SLC24A2: variants seen among roughly 807,000 people sequenced by gnomAD.
SLC24A2 encodes sodium/potassium/calcium exchanger 2.
A neutral mutation model predicts 62.0 loss-of-function variants in SLC24A2; 36 were observed. That is an observed-to-expected ratio of 0.58 (90% CI 0.44 to 0.77). The LOEUF is 0.77. SLC24A2 is among the 30% of genes least tolerant of loss of function. The pLI is 0.00. For synonymous variants in SLC24A2, 358 were observed against 294.0 expected (o/e 1.22, Z -2.23); for missense variants, 846 against 817.9 (o/e 1.03, Z -0.42).
intron 7 of SLC24A2, among the ~76,000 whole-genome samples, chr9:19,563,435 G>A (rs1358014308): frequency 6.6e-6 from 1 of 152,108 alleles, no homozygotes. Context: ...CCCAAACCCT[G>A]TATTAAACCT....
At chr9:19,670,870 T>C (rs1357888350) in intron 2 of SLC24A2, among the ~76,000 whole-genome samples, 4 of 152,300 alleles carry the variant, frequency 2.6e-5, no homozygotes, top group African/African-American at 7.2e-5. Context: ...CTAAGGAACA[T>C]TTCTGATATC....
chr9:19,684,087 C>T (rs1018554134), intron 2 of SLC24A2, among the ~76,000 whole-genome samples: 2 of 152,166 alleles, frequency 1.3e-5, no homozygotes, highest in Non-Finnish European at 2.9e-5. Context: ...ACACAGGGTG[C>T]TCTAGGGGAC....
At chr9:19,753,368 G>A (rs577375952) in intron 2 of SLC24A2, among the ~76,000 whole-genome samples, 2 of 152,230 alleles carry the variant, frequency 1.3e-5, no homozygotes, top group African/African-American at 2.4e-5. Flanking sequence ...GACAGCTCTT[G>A]TTCTGGAGAG....
chr9:20,293,698 T>C, the SLC24A2 span, among the ~76,000 whole-genome samples: 1 of 152,198 alleles, frequency 6.6e-6, no homozygotes, highest in African/African-American at 2.4e-5. Context: ...CTATGATCTA[T>C]GACACTCACT....
the SLC24A2 span, among the ~76,000 whole-genome samples, chr9:19,797,790 G>A: frequency 6.6e-6 from 1 of 152,168 alleles, no homozygotes; most frequent in Non-Finnish European, 1.5e-5. Flanking sequence ...CTTCTACAGA[G>A]AATCAACCTC....
the SLC24A2 span, among the ~76,000 whole-genome samples, chr9:20,079,198 G>A: frequency 6.6e-6 from 1 of 152,180 alleles, no homozygotes; most frequent in African/African-American, 2.4e-5. Context: ...GAGGCAAGGA[G>A]GGATGAGAGC....
chr9:20,154,912 T>C, the SLC24A2 span, among the ~76,000 whole-genome samples: 1 of 151,614 alleles, frequency 6.6e-6, no homozygotes, highest in Admixed American at 6.6e-5. Flanking sequence ...CTGGTGGGAA[T>C]GGGGCAAGTA....
chr9:19,658,221 C>T (rs1015239750), intron 2 of SLC24A2, among the ~76,000 whole-genome samples: 4 of 152,228 alleles, frequency 2.6e-5, no homozygotes, highest in East Asian at 1.9e-4. Context: ...TGCCTATTTA[C>T]GTATTTGTAT....
At chr9:19,536,399 T>A (rs1833979305) in intron 8 of SLC24A2, among the ~76,000 whole-genome samples, 1 of 117,534 alleles carries the variant, frequency 8.5e-6, no homozygotes, top group Admixed American at 9.8e-5. Context: ...CCCCTTCCTG[T>A]GTCCATGTGA....
the SLC24A2 span, among the ~76,000 whole-genome samples, chr9:19,836,054 A>C: frequency 6.6e-6 from 1 of 152,200 alleles, no homozygotes; most frequent in Non-Finnish European, 1.5e-5. Context: ...ACATACCAGA[A>C]TCTCTGGGAC....
the SLC24A2 span, among the ~76,000 whole-genome samples, chr9:20,101,670 C>G: frequency 2.4e-4 from 37 of 152,196 alleles, no homozygotes; most frequent in African/African-American, 7.7e-4. Context: ...GAGACCTGAC[C>G]TTTCCCTTTG....
chr9:20,120,107 G>A, the SLC24A2 span, among the ~76,000 whole-genome samples: 1 of 152,102 alleles, frequency 6.6e-6, no homozygotes, highest in Non-Finnish European at 1.5e-5. Flanking sequence ...CAGCAACATT[G>A]TATCTCTCTG....
chr9:19,694,763 G>A (rs541758306), intron 2 of SLC24A2, among the ~76,000 whole-genome samples: 1 of 152,238 alleles, frequency 6.6e-6, no homozygotes, highest in Non-Finnish European at 1.5e-5. Flanking sequence ...TCAGGCAAGT[G>A]AGACTACCCT....
intron 2 of SLC24A2, among the ~76,000 whole-genome samples, chr9:19,671,091 T>C (rs1819400463): frequency 6.6e-6 from 1 of 151,292 alleles, no homozygotes; most frequent in Non-Finnish European, 1.5e-5. Context: ...TGAAGAATGA[T>C]GGTGGTATTT....
chr9:20,276,428 G>T, the SLC24A2 span, among the ~76,000 whole-genome samples: 806 of 152,342 alleles, frequency 5.3e-3, 3 homozygotes, highest in Middle Eastern at 0.01. Flanking sequence ...GGTTCCCATG[G>T]TCTTGGGCAG....
chr9:19,515,863 C>G lies in SLC24A2; in HGVS notation c.*290G>C, dbSNP rs993260557. On this transcript the variant is annotated 3_prime_UTR_variant, in exon 11 of 11. Coordinates refer to ENST00000341998, the MANE Select transcript of SLC24A2 (RefSeq NM_020344.4). Reference sequence around the variant, plus strand: ...ATATAGCCTGTGTCCTTGTTTGCATCGACTGTACCTCCGACCAGCGAGGTG... The same window carrying G: ...ATATAGCCTGTGTCCTTGTTTGCATGGACTGTACCTCCGACCAGCGAGGTG... The G allele has an allele frequency of 9.3e-6, 4 of 428,072 alleles. No homozygotes were observed. Among genetic ancestry groups the G allele is most frequent in the Non-Finnish European group, 1.7e-5 (4 of 228,962 alleles). 26.5% of individuals were successfully genotyped at this position (428,072 alleles called of 1,614,324 possible).
chr9:20,284,948 T>A, the SLC24A2 span, among the ~76,000 whole-genome samples: 76,374 of 152,080 alleles, frequency 0.5, 19,913 homozygotes, highest in African/African-American at 0.66. Context: ...TTTGAGAAGC[T>A]GCTTTTTTCT....
chr9:19,690,460 G>C (rs1820011600), intron 2 of SLC24A2, among the ~76,000 whole-genome samples: 1 of 152,052 alleles, frequency 6.6e-6, no homozygotes, highest in African/African-American at 2.4e-5. Flanking sequence ...CTGGAAACAG[G>C]GGTTGTCTTT....
At chr9:20,031,348 A>T in the SLC24A2 span, among the ~76,000 whole-genome samples, 1 of 79,616 alleles carries the variant, frequency 1.3e-5, no homozygotes, top group Non-Finnish European at 2.3e-5. Context: ...ATGTACACAC[A>T]CTTTATATAT....
Sources: allele counts gnomAD v4.1 joint callset (sites outside exome capture counted in the v4.1 genomes callset), GRCh38; gene constraint gnomAD v4.1.1; transcripts MANE v1.5; gene names NCBI Gene and HGNC (gene_info 2026-07-23, HGNC 2026-07-21).